Variants in GALNT2 observed in about 807,000 individuals in gnomAD.
GALNT2 encodes the protein UDP-GalNAc:polypeptide N-acetylgalactosaminyltransferase 2.
Under a neutral mutation model 81.4 loss-of-function variants are expected in GALNT2, and 31 were observed. The observed-to-expected ratio is 0.38, with a 90% CI of 0.29 to 0.51. The LOEUF is 0.51. GALNT2 is among the 20% of genes least tolerant of loss of function. GALNT2 has a pLI of 0.87. For missense variants in GALNT2, 629 were observed against 765.7 expected (o/e 0.82, Z 2.11); for synonymous variants, 303 against 287.4 (o/e 1.05, Z -0.55).
At chr1:230,084,766 T>G (rs1659849864) in intron 1 of GALNT2, among the ~76,000 whole-genome samples, 1 of 152,160 alleles carries the variant, frequency 6.6e-6, no homozygotes, top group South Asian at 2.1e-4. Flanking sequence ...TTTGCCCTTT[T>G]CTGCTGGGAT....
At chr1:230,097,992 C>T (rs1034187798) in intron 1 of GALNT2, among the ~76,000 whole-genome samples, 4 of 152,094 alleles carry the variant, frequency 2.6e-5, no homozygotes, top group Non-Finnish European at 4.4e-5. Flanking sequence ...AAATGTTTGT[C>T]GATAGAACCA....
chr1:230,206,523 T>G (rs1481702977), intron 3 of GALNT2, among the ~76,000 whole-genome samples: 2 of 152,166 alleles, frequency 1.3e-5, no homozygotes, highest in Non-Finnish European at 2.9e-5. Context: ...AAGTGTAAGC[T>G]CTAGAATTAC....
intron 14 of GALNT2, among the ~76,000 whole-genome samples, chr1:230,272,804 T>C (rs992737774): frequency 6.6e-6 from 1 of 152,172 alleles, no homozygotes; most frequent in Non-Finnish European, 1.5e-5. Context: ...GGTCTCGGTC[T>C]GTCACCCAGG....
chr1:230,276,694 C>G (rs995297155), intron 15 of GALNT2, among the ~76,000 whole-genome samples: 5 of 152,176 alleles, frequency 3.3e-5, no homozygotes, highest in Non-Finnish European at 7.3e-5. Flanking sequence ...CAGTGGGAGC[C>G]CCTCTCTAGG....
At chr1:230,099,538 T>C (rs1660342355) in intron 1 of GALNT2, among the ~76,000 whole-genome samples, 4 of 152,200 alleles carry the variant, frequency 2.6e-5, no homozygotes, top group Admixed American at 2.6e-4. Flanking sequence ...TCCCAAGCTG[T>C]GATTCCCAAG....
At chr1:230,154,369 G>C (rs1273115680) in intron 1 of GALNT2, among the ~76,000 whole-genome samples, 1 of 152,172 alleles carries the variant, frequency 6.6e-6, no homozygotes, top group African/African-American at 2.4e-5. Context: ...GATGCCGTTG[G>C]TATTTTTAAG....
intron 1 of GALNT2, among the ~76,000 whole-genome samples, chr1:230,170,687 G>C (rs1662763029): frequency 6.6e-6 from 1 of 152,194 alleles, no homozygotes; most frequent in Non-Finnish European, 1.5e-5. Flanking sequence ...ATCTGCTTCT[G>C]GTGAGGACTT....
intron 3 of GALNT2, among the ~76,000 whole-genome samples, chr1:230,234,577 C>T (rs1014214026): frequency 1.3e-5 from 2 of 152,222 alleles, no homozygotes; most frequent in African/African-American, 4.8e-5. Flanking sequence ...TCCTCAAGAC[C>T]ACGGGGCATC....
intron 1 of GALNT2, among the ~76,000 whole-genome samples, chr1:230,151,161 T>C (rs1049671671): frequency 2.0e-5 from 3 of 152,240 alleles, no homozygotes; most frequent in African/African-American, 7.2e-5. Flanking sequence ...ATGATTACAG[T>C]TGACGATCAC....
rs545105167 is a variant in GALNT2, at chr1:230,167,015, G to A, written c.127-11203G>A. Among the ~76,000 whole-genome samples the A allele has an allele frequency of 2.1e-4, 32 of 152,176 alleles. No homozygotes were observed. In the South Asian group the frequency reaches 6.2e-3, roughly 30 times the overall value. On this transcript the variant is annotated intron_variant, in intron 1 of 15. Coordinates refer to ENST00000366672, the MANE Select transcript of GALNT2 (RefSeq NM_004481.5). ...ATTTGTGATGAGATAAGTCAGGGGAGAAGCTTAATTACAAATTTTCCATTT... is the reference window on the plus strand; with the variant it reads ...ATTTGTGATGAGATAAGTCAGGGGAAAAGCTTAATTACAAATTTTCCATTT...
At chr1:230,118,275 C>A (rs1308357924) in intron 1 of GALNT2, among the ~76,000 whole-genome samples, 2 of 152,206 alleles carry the variant, frequency 1.3e-5, no homozygotes, top group African/African-American at 4.8e-5. Context: ...TTGGTTGTTT[C>A]ACATTGTAGC....
intron 3 of GALNT2, among the ~76,000 whole-genome samples, chr1:230,211,151 C>G (rs1237744672): frequency 6.6e-6 from 1 of 152,192 alleles, no homozygotes; most frequent in Non-Finnish European, 1.5e-5. Flanking sequence ...CATAAACATG[C>G]GCCGCTGGCC....
intron 9 of GALNT2, among the ~76,000 whole-genome samples, chr1:230,249,980 A>C (rs1665492976): frequency 6.6e-6 from 1 of 152,210 alleles, no homozygotes; most frequent in African/African-American, 2.4e-5. Context: ...AGTGAGGAGC[A>C]TGGTGGGTTC....
intron 3 of GALNT2, among the ~76,000 whole-genome samples, chr1:230,226,307 G>A (rs142265108): frequency 9.9e-5 from 15 of 152,284 alleles, no homozygotes; most frequent in South Asian, 2.1e-4. Context: ...GGCATTCACC[G>A]CCTCTATTGC....
Position 230,181,331 on chromosome 1 carries a change from T to C in GALNT2, c.220+3020T>C, listed in dbSNP as rs887448497. On this transcript the variant is annotated intron_variant, in intron 2 of 15. Coordinates refer to ENST00000366672, the MANE Select transcript of GALNT2 (RefSeq NM_004481.5). The stretch of plus-strand genomic sequence containing the variant: ...TGTTGGATTTTGTCAAGTGGTTTTT[T>C]TGCATCTATTGATATGATCATGTGA... Among the ~76,000 whole-genome samples the C allele has an allele frequency of 2.7e-5, 4 of 150,286 alleles. No individual in the cohort carries two copies. The Admixed American group carries it at 2.7e-4, about 10-fold the overall frequency.
intron 1 of GALNT2, among the ~76,000 whole-genome samples, chr1:230,162,732 C>T: frequency 6.6e-6 from 1 of 152,226 alleles, no homozygotes; most frequent in Non-Finnish European, 1.5e-5. Context: ...CACCCCTCCA[C>T]TCCATTCCAG....
At chr1:230,242,255 C>T (rs1032678595) in intron 6 of GALNT2, among the ~76,000 whole-genome samples, 3 of 152,124 alleles carry the variant, frequency 2.0e-5, no homozygotes, top group Admixed American at 1.3e-4. Flanking sequence ...TTATATTTTG[C>T]TCAGAGTTTA....
At chr1:230,118,300 G>A (rs562522099) in intron 1 of GALNT2, among the ~76,000 whole-genome samples, 1 of 152,210 alleles carries the variant, frequency 6.6e-6, no homozygotes, top group Non-Finnish European at 1.5e-5. Context: ...ATGAATAAAG[G>A]TGTTAGGAAC....
At chr1:230,087,519 C>T (rs969966627) in intron 1 of GALNT2, among the ~76,000 whole-genome samples, 3 of 152,172 alleles carry the variant, frequency 2.0e-5, no homozygotes, top group African/African-American at 4.8e-5. Flanking sequence ...TCTGGCTGTA[C>T]GTTAGGAACA....
Sources: gnomAD v4.1 joint callset for allele counts (sites outside exome capture counted in the v4.1 genomes callset) on GRCh38, gnomAD v4.1.1 for gene constraint, MANE v1.5 for transcripts, NCBI Gene and HGNC (gene_info 2026-07-23, HGNC 2026-07-21) for gene names.